MROH7: variants seen among roughly 807,000 people sequenced by gnomAD.
MROH7 encodes the protein maestro heat-like repeat-containing protein family member 7.
In MROH7, 113 loss-of-function variants were observed where a neutral mutation model predicts 129.2. The ratio of observed to expected loss-of-function variants is 0.87; its 90% CI spans 0.75 to 1.02. The LOEUF is 1.02. Ranked by LOEUF, MROH7 falls within the 50% of genes least tolerant of loss-of-function variation. The probability of loss-of-function intolerance (pLI) is 0.00; values close to 1 mark genes in which losing one functional copy is unlikely to be tolerated. For missense variants in MROH7, 1,601 were observed against 1,671.3 expected, an observed-to-expected ratio of 0.96 and a Z score of 0.73; for synonymous variants, 655 against 667.9, an observed-to-expected ratio of 0.98 and a Z score of 0.30.
Position 54,654,055 on chromosome 1 carries a change from T to C in MROH7, c.1129T>C (p.Trp377Arg). ...GCCCCTGGAGGAGAATCTGGAGAGT[T>C]GGAGTGAGATGGCCAGCATTAAGGT... is the stretch of plus-strand genomic sequence containing the variant. ...TVPLEENLES[W>R]SEMASIKVGQ... The change falls in exon 3 of 24, where the codon TGG (tryptophan) becomes CGG (arginine). Residue 377 changes from tryptophan (W) to arginine (R), a missense_variant. Trp to Arg is a moderately radical substitution (Grantham distance 101). Transcript: ENST00000421030. 2 of 1,614,102 alleles carry C rather than the reference T, an allele frequency of 1.2e-6. No individual in the cohort carries two copies. Among genetic ancestry groups the C allele is most frequent in the South Asian group, 2.2e-5 (2 of 91,076 alleles).
intron 10 of MROH7, among the ~76,000 whole-genome samples, chr1:54,675,925 C>T (rs557976848): frequency 2.3e-4 from 35 of 151,710 alleles, no homozygotes; most frequent in East Asian, 1.4e-3. Flanking sequence ...CGTGCACCAC[C>T]GCACCCCGCC....
In MROH7 at chr1:54,701,309, C is replaced by G. The variant is rs371692735; in HGVS notation, c.3272C>G (p.Pro1091Arg). ...VYVEMLQILL[P>R]HFSDAREVVR... ...GTGGAGATGCTGCAGATCCTGCTGC[C>G]GCACTTCAGCGACGTGAGGACCTCA... is the stretch of plus-strand genomic sequence containing the variant. Residue 1091 changes from proline to arginine, a missense_variant, in exon 19 of 24, where the codon CCG becomes CGG. By Grantham distance (103) the Pro-to-Arg change is moderately radical (BLOSUM62 -2). Coordinates refer to ENST00000421030, the MANE Select transcript of MROH7 (RefSeq NM_001039464.4). 1 of 1,592,980 alleles carries G rather than the reference C, an allele frequency of 6.3e-7. No individual in the cohort carries two copies. The highest frequency in any genetic ancestry group is 1.1e-5 in the South Asian group (1 of 88,526).
intron 14 of MROH7, among the ~76,000 whole-genome samples, chr1:54,685,252 C>G (rs893023587): frequency 6.6e-6 from 1 of 152,182 alleles, no homozygotes; most frequent in African/African-American, 2.4e-5. Flanking sequence ...CCTGCCTGAC[C>G]TCAAGTGATC....
Position 54,653,994 on chromosome 1 carries a change from G to T in MROH7, c.1068G>T (p.Gln356His), listed in dbSNP as rs1353447885. The change falls in exon 3 of 24, where the codon CAG becomes CAT. Residue 356 changes from glutamine (Q) to histidine (H), a missense_variant. By Grantham distance (24) the Gln-to-His change is conservative. Transcript: ENST00000421030. ...SDTSTLTLSS[Q>H]QDDAKDNSIH... The stretch of plus-strand genomic sequence containing the variant: ...CCTCCACCTTGACGCTGAGCAGTCA[G>T]CAGGATGATGCCAAGGACAACAGCA... The T allele has an allele frequency of 6.2e-7, 1 of 1,614,256 alleles. No individual in the cohort carries two copies. Among genetic ancestry groups the T allele is most frequent in the East Asian group, 2.2e-5 (1 of 44,884 alleles).
At chr1:54,706,313 A>G (rs1422414776) in intron 21 of MROH7, 122 bp from the exon 22 acceptor site, 4 of 713,260 alleles carry the variant, frequency 5.6e-6, no homozygotes, top group Non-Finnish European at 1.0e-5. Flanking sequence ...GGACTCATGC[A>G]GAGGGAGCAG....
chr1:54,708,788 C>T (rs550650089), intron 22 of MROH7, among the ~76,000 whole-genome samples: 1 of 152,314 alleles, frequency 6.6e-6, no homozygotes, highest in East Asian at 1.9e-4. Flanking sequence ...AGCTGCAGCC[C>T]AGATACTGCC....
intron 15 of MROH7, among the ~76,000 whole-genome samples, chr1:54,691,803 A>AAGT (rs778263944): frequency 3.0e-4 from 31 of 104,190 alleles, no homozygotes; most frequent in East Asian, 9.8e-4. Context: ...AAAAAAAAAA[A>AAGT]GTGTGTGTGT....
At chr1:54,683,632 T>G (rs1645104451) in intron 14 of MROH7, among the ~76,000 whole-genome samples, 1 of 152,182 alleles carries the variant, frequency 6.6e-6, no homozygotes, top group African/African-American at 2.4e-5. Context: ...CTCCTACCTG[T>G]GGCGAAGGCC....
chr1:54,706,628 T>TG, intron 22 of MROH7, 91 bp downstream of exon 22: 1 of 924,094 alleles, frequency 1.1e-6, no homozygotes, highest in Non-Finnish European at 1.7e-6. Context: ...TTTCAGCACC[T>TG]GGGGGGATGC....
In MROH7 at chr1:54,649,325, G is replaced by A. The variant is rs956648029; in HGVS notation, c.-109-2624G>A. Among the ~76,000 whole-genome samples, 5 of 152,380 alleles carry A rather than the reference G, an allele frequency of 3.3e-5. 1 individual carries two copies. The highest frequency in any genetic ancestry group is 6.8e-3 in the Middle Eastern group (2 of 294). On this transcript the variant is annotated intron_variant, in intron 1 of 23. Transcript: ENST00000421030. Reference sequence around the variant, plus strand: ...CTGACCTTTCCATCTGGGGCTCCAGGATTGCAGGGCAAAGGCCAACAGGCA... The same window carrying A: ...CTGACCTTTCCATCTGGGGCTCCAGAATTGCAGGGCAAAGGCCAACAGGCA...
chr1:54,680,580 G>T (rs758099082), intron 13 of MROH7, among the ~76,000 whole-genome samples: 1 of 152,218 alleles, frequency 6.6e-6, no homozygotes, highest in South Asian at 2.1e-4. Context: ...GCCTGGGCCC[G>T]TGCGGAAGGG....
rs1346595039 is a variant in MROH7, at chr1:54,695,463, G to C, written c.2937G>C (p.Arg979Ser). Residue 979 changes from arginine (R) to serine (S), a missense_variant, in exon 17 of 24, where the codon AGG becomes AGC. Transcript: ENST00000421030. ...PLLERGDEKH[R>S]ITATAFFVEL... is the part of the protein sequence containing the mutation. ...TGGAGCGAGGCGACGAGAAGCACAG[G>C]ATCACGGCCACCGCCTTCTTCGTGG... is the stretch of plus-strand genomic sequence containing the variant. The C allele has an allele frequency of 2.5e-6, 4 of 1,613,832 alleles. No individual in the cohort carries two copies. The highest frequency in any genetic ancestry group is 3.3e-4 in the Middle Eastern group (2 of 6,062).
At chr1:54,646,332 C>T (rs1364516209) in intron 1 of MROH7, among the ~76,000 whole-genome samples, 2 of 59,476 alleles carry the variant, frequency 3.4e-5, no homozygotes, top group African/African-American at 8.1e-5. Context: ...TTCCTCTTTC[C>T]GGGTCTTTTT....
chr1:54,701,067 G>A, intron 18 of MROH7, 76 bp from the exon 19 acceptor site: 1 of 1,508,166 alleles, frequency 6.6e-7, no homozygotes, highest in Non-Finnish European at 9.1e-7. Context: ...GTTCATTTCA[G>A]TGAATCAGAG....
At chr1:54,687,401 G>C (rs1645166262) in intron 15 of MROH7, among the ~76,000 whole-genome samples, 1 of 152,206 alleles carries the variant, frequency 6.6e-6, no homozygotes. Context: ...TTTAACAGCT[G>C]CATAGTATCT....
At position 54,702,639 on chromosome 1, in the gene MROH7, T is replaced by C. The variant is rs1645458906; in HGVS notation, c.3458T>C (p.Leu1153Pro). The C allele has an allele frequency of 4.3e-6, 7 of 1,613,234 alleles. No individual in the cohort carries two copies. In the East Asian group the frequency reaches 1.6e-4, roughly 36 times the overall value. ...GGTTCCCAGAAGTGTGTGAAGACCCTGTTACGCTGTTCTTACTTCATGGCT... is the reference window on the plus strand; with the variant it reads ...GGTTCCCAGAAGTGTGTGAAGACCCCGTTACGCTGTTCTTACTTCATGGCT... ...SKVSQKCVKT[L>P]LRCSYFMAWE... Residue 1153 changes from leucine to proline, a missense_variant, in exon 21 of 24, where the codon CTG becomes CCG. Coordinates refer to ENST00000421030, the MANE Select transcript of MROH7 (RefSeq NM_001039464.4).
chr1:54,669,649 C>G (rs920874525), intron 5 of MROH7, among the ~76,000 whole-genome samples: 3 of 152,162 alleles, frequency 2.0e-5, no homozygotes, highest in Non-Finnish European at 2.9e-5. Flanking sequence ...CTTAGCCTCT[C>G]GAGATTTGGG....
At position 54,652,997 on chromosome 1, in the gene MROH7, G is replaced by A. The variant is rs2101065800; in HGVS notation, c.71G>A (p.Cys24Tyr). Residue 24 changes from cysteine to tyrosine, a missense_variant, in exon 3 of 24, where the codon TGT becomes TAT. By Grantham distance (194) the Cys-to-Tyr change is radical (BLOSUM62 -2). Transcript: ENST00000421030. ...DPKMTPSPPS[C>Y]GAPGLGSGTI... ...AAGATGACACCAAGTCCCCCCTCCT[G>A]TGGGGCCCCGGGATTAGGGTCTGGT... 6.2e-7 allele frequency: 1 copy of A among 1,613,956 alleles called. No homozygotes were observed. The highest frequency in any genetic ancestry group is 8.5e-7 in the Non-Finnish European group (1 of 1,179,932).
At chr1:54,655,979 C>T (rs548233179) in intron 3 of MROH7, among the ~76,000 whole-genome samples, 3 of 150,274 alleles carry the variant, frequency 2.0e-5, no homozygotes, top group South Asian at 4.3e-4. Flanking sequence ...CCACAACCTC[C>T]GCCCCCTGGG....
Sources: allele counts gnomAD v4.1 joint callset (sites outside exome capture counted in the v4.1 genomes callset), GRCh38; gene constraint gnomAD v4.1.1; transcripts MANE v1.5; gene names NCBI Gene and HGNC (gene_info 2026-07-23, HGNC 2026-07-21).